CSMD3: variants seen among roughly 807,000 people sequenced by gnomAD.
The protein encoded by CSMD3 is CUB and sushi domain-containing protein 3.
Under a neutral mutation model 435.2 loss-of-function variants are expected in CSMD3, and 177 were observed. The observed-to-expected ratio is 0.41, with a 90% confidence interval of 0.36 to 0.46. The LOEUF is 0.46. Ranked by LOEUF, CSMD3 falls within the 20% of genes least tolerant of loss-of-function variation. The pLI, the probability that CSMD3 is intolerant of heterozygous loss-of-function variation, is 0.34. For missense variants in CSMD3, 4,265 were observed against 4,504.6 expected (o/e 0.95, Z 1.52); for synonymous variants, 1,656 against 1,520.5 (o/e 1.09, Z -2.07).
At chr8:113,254,985 TA>T (rs2093367602) in intron 3 of CSMD3, among the ~76,000 whole-genome samples, 1 of 152,020 alleles carries the variant, frequency 6.6e-6, no homozygotes, top group Non-Finnish European at 1.5e-5. Flanking sequence ...AATGAGTACT[TA>T]AAAAAGGTTA....
chr8:112,981,110 T>C (rs2085036456), intron 6 of CSMD3, among the ~76,000 whole-genome samples: 1 of 151,484 alleles, frequency 6.6e-6, no homozygotes, highest in Non-Finnish European at 1.5e-5. Context: ...CAAATTAAAA[T>C]GCTGTATTTA....
chr8:112,786,923 C>T (rs1032774268), intron 13 of CSMD3, among the ~76,000 whole-genome samples: 2 of 151,958 alleles, frequency 1.3e-5, no homozygotes, highest in African/African-American at 4.8e-5. Context: ...TGTGTGATGT[C>T]CTCCCTATGT....
At chr8:112,994,200 T>A (rs1032897467) in intron 6 of CSMD3, among the ~76,000 whole-genome samples, 1 of 151,838 alleles carries the variant, frequency 6.6e-6, no homozygotes, top group East Asian at 1.9e-4. Flanking sequence ...CAGTTAAAGA[T>A]GTGCAATTGT....
intron 1 of CSMD3, among the ~76,000 whole-genome samples, chr8:113,350,078 G>A (rs1286237326): frequency 1.3e-5 from 2 of 151,768 alleles, no homozygotes; most frequent in Non-Finnish European, 2.9e-5. Flanking sequence ...AACCATTCCC[G>A]CTACCCTAGA....
intron 4 of CSMD3, among the ~76,000 whole-genome samples, chr8:113,116,179 T>G (rs1410753819): frequency 2.6e-5 from 4 of 152,142 alleles, no homozygotes; most frequent in African/African-American, 7.2e-5. Flanking sequence ...TTTGGCTGTG[T>G]CCCCACTCCA....
chr8:112,766,421 T>A (rs2132172261), intron 13 of CSMD3, among the ~76,000 whole-genome samples: 1 of 151,858 alleles, frequency 6.6e-6, no homozygotes, highest in African/African-American at 2.4e-5. Flanking sequence ...TGTCTTTCTT[T>A]ATTTTTATAT....
chr8:112,339,462 G>A (rs911391187), intron 42 of CSMD3, among the ~76,000 whole-genome samples: 1 of 151,960 alleles, frequency 6.6e-6, no homozygotes, highest in Non-Finnish European at 1.5e-5. Context: ...GCCACTGATC[G>A]GCCTGCTCCC....
rs78782759 is a variant in CSMD3, at chr8:113,290,172, T to C, written c.402-11468A>G. On this transcript the variant is annotated intron_variant, in intron 2 of 70. Coordinates refer to ENST00000297405, the MANE Select transcript of CSMD3 (RefSeq NM_198123.2). ...AGAATGTTTCTGAGGATCTATTCCA[T>C]TACCAGTTTTGTTGACTTAAATATT... Among the ~76,000 whole-genome samples, 468 of 151,770 alleles carry C rather than the reference T, an allele frequency of 3.1e-3. 14 individuals carry two copies. The East Asian group carries it at 0.058, about 19-fold the overall frequency.
At chr8:112,780,464 T>C (rs1181793315) in intron 13 of CSMD3, among the ~76,000 whole-genome samples, 4 of 152,008 alleles carry the variant, frequency 2.6e-5, no homozygotes, top group Non-Finnish European at 2.9e-5. Context: ...AATCATCAAA[T>C]TGAACATCTA....
chr8:113,017,160 C>A (rs1194428024), intron 6 of CSMD3, among the ~76,000 whole-genome samples: 1 of 151,868 alleles, frequency 6.6e-6, no homozygotes, highest in Non-Finnish European at 1.5e-5. Flanking sequence ...ATAAGTTGTA[C>A]CTCATAAAAC....
At chr8:113,372,970 A>C (rs1469749350) in intron 1 of CSMD3, among the ~76,000 whole-genome samples, 1 of 151,954 alleles carries the variant, frequency 6.6e-6, no homozygotes, top group East Asian at 1.9e-4. Flanking sequence ...GAAAAGACAC[A>C]TTTATACACA....
At chr8:113,211,424 G>A (rs544963547) in intron 3 of CSMD3, among the ~76,000 whole-genome samples, 15 of 152,122 alleles carry the variant, frequency 9.9e-5, no homozygotes, top group Non-Finnish European at 1.9e-4. Flanking sequence ...GGGTCTTAGT[G>A]AGATGTAAAT....
At chr8:113,010,231 T>C (rs1009228221) in intron 6 of CSMD3, among the ~76,000 whole-genome samples, 4 of 151,672 alleles carry the variant, frequency 2.6e-5, no homozygotes, top group Non-Finnish European at 5.9e-5. Context: ...CTATCTAATA[T>C]TCACTAGTTG....
chr8:113,221,354 T>TACACACACAC (rs147263614), intron 3 of CSMD3, among the ~76,000 whole-genome samples: 1,432 of 141,892 alleles, frequency 0.01, 13 homozygotes, highest in African/African-American at 0.028. Flanking sequence ...CAGACACAGT[T>TACACACACAC]ACACACACAC....
At chr8:112,405,246 T>TATATATATATATATACACACAC (rs1199452249) in intron 35 of CSMD3, among the ~76,000 whole-genome samples, 2 of 81,538 alleles carry the variant, frequency 2.5e-5, no homozygotes, top group African/African-American at 1.1e-4. Flanking sequence ...TATATATATA[T>TATATATATATATATACACACAC]ACATATATAT....
chr8:112,288,677 T>C (rs989326862), intron 57 of CSMD3, among the ~76,000 whole-genome samples: 2 of 151,990 alleles, frequency 1.3e-5, no homozygotes, highest in African/African-American at 4.8e-5. Context: ...TAGGGAGCCA[T>C]CATAGATCTA....
intron 13 of CSMD3, among the ~76,000 whole-genome samples, chr8:112,725,744 A>G (rs2131988327): frequency 6.6e-6 from 1 of 152,064 alleles, no homozygotes; most frequent in African/African-American, 2.4e-5. Context: ...TTTCCAATTA[A>G]CTGTGACTCA....
chr8:113,289,998 A>G (rs2093674697), intron 2 of CSMD3, among the ~76,000 whole-genome samples: 1 of 151,754 alleles, frequency 6.6e-6, no homozygotes, highest in Admixed American at 6.6e-5. Flanking sequence ...TTTAAAATGT[A>G]TATATTATAA....
At chr8:113,376,848 T>G (rs2094387176) in intron 1 of CSMD3, 1 of 1,612,728 alleles carries the variant, frequency 6.2e-7, no homozygotes, top group Non-Finnish European at 8.5e-7. Flanking sequence ...ACCGGCCACC[T>G]CTGCCCCTTT....
Sources: allele counts gnomAD v4.1 joint callset (sites outside exome capture counted in the v4.1 genomes callset), GRCh38; gene constraint gnomAD v4.1.1; transcripts MANE v1.5; gene names NCBI Gene and HGNC (gene_info 2026-07-23, HGNC 2026-07-21).